ST18: variants seen among roughly 807,000 people sequenced by gnomAD.
The protein encoded by ST18 is ST18 C2H2C-type zinc finger transcription factor.
In ST18, 50 loss-of-function variants were observed where a neutral mutation model predicts 110.0. The observed-to-expected ratio is 0.45, with a 90% confidence interval of 0.36 to 0.58. The LOEUF (loss-of-function observed/expected upper bound fraction) is 0.58. ST18 is among the 20% of genes least tolerant of loss of function. ST18 has a pLI of 0.00. For missense variants in ST18, 1,306 were observed against 1,280.1 expected (o/e 1.02, Z -0.31); for synonymous variants, 461 against 452.4 (o/e 1.02, Z -0.24).
chr8:52,120,941 GACGGAGAAGAGAGGAATCA>G (rs1396656200), intron 23 of ST18, among the ~76,000 whole-genome samples: 3 of 152,082 alleles, frequency 2.0e-5, no homozygotes. Context: ...GAGAGGAATC[GACGGAGAAGAGAGGAATCA>G]ACCCTGACTG....
chr8:52,346,033 C>T (rs1817587262), intron 2 of ST18, among the ~76,000 whole-genome samples: 1 of 151,740 alleles, frequency 6.6e-6, no homozygotes, highest in Admixed American at 6.6e-5. Context: ...GAAAAACTGA[C>T]CCCAGAGGAA....
chr8:52,185,923 C>T (rs950042316), intron 8 of ST18, among the ~76,000 whole-genome samples: 14 of 152,136 alleles, frequency 9.2e-5, no homozygotes, highest in Non-Finnish European at 2.1e-4. Flanking sequence ...TAAAGGAAAA[C>T]ACTGACAAAT....
chr8:52,362,673 T>G (rs1826202886), intron 2 of ST18, among the ~76,000 whole-genome samples: 1 of 152,238 alleles, frequency 6.6e-6, no homozygotes, highest in Admixed American at 6.5e-5. Context: ...GTGCCCTTTC[T>G]GATGCATTGC....
At chr8:52,165,830 C>A (rs1425644917) in intron 11 of ST18, among the ~76,000 whole-genome samples, 2 of 152,194 alleles carry the variant, frequency 1.3e-5, no homozygotes, top group African/African-American at 2.4e-5. Context: ...TTAAGCACTT[C>A]CATTTTTGCA....
intron 13 of ST18, 147 bp downstream of exon 13, chr8:52,163,839 G>C (rs186197621): frequency 2.8e-4 from 158 of 567,828 alleles, no homozygotes; most frequent in Non-Finnish European, 7.8e-5. Flanking sequence ...CCAGCCTCTG[G>C]TCTAGTGGAG....
chr8:52,332,517 G>C (rs1425661939), intron 2 of ST18, among the ~76,000 whole-genome samples: 1 of 137,932 alleles, frequency 7.2e-6, no homozygotes, highest in Admixed American at 7.3e-5. Context: ...TTTCCCAAGA[G>C]CATCTAATGT....
At chr8:52,409,818 A>G (rs947491503), upstream of ST18, 1 of 152,274 alleles carries the variant, frequency 6.6e-6, no homozygotes, top group Admixed American at 6.5e-5. Flanking sequence ...CCGCACAAAG[A>G]AAATGCTGTC....
At chr8:52,138,845 T>TA (rs1289663714) in intron 17 of ST18, among the ~76,000 whole-genome samples, 1 of 152,186 alleles carries the variant, frequency 6.6e-6, no homozygotes, top group Non-Finnish European at 1.5e-5. Flanking sequence ...TATCCAGATA[T>TA]ACAGAATACA....
chr8:52,359,763 A>G (rs1168795305), intron 2 of ST18, among the ~76,000 whole-genome samples: 1 of 152,152 alleles, frequency 6.6e-6, no homozygotes, highest in Non-Finnish European at 1.5e-5. Flanking sequence ...AGCAAAAAAT[A>G]AAGCAGGGTA....
intron 8 of ST18, among the ~76,000 whole-genome samples, chr8:52,182,640 G>A (rs1333955659): frequency 6.6e-6 from 1 of 152,022 alleles, no homozygotes; most frequent in Non-Finnish European, 1.5e-5. Context: ...GATGAGGGAG[G>A]GGGAAATGAG....
chr8:52,365,702 G>T (rs1328326849), intron 2 of ST18, among the ~76,000 whole-genome samples: 6 of 151,212 alleles, frequency 4.0e-5, no homozygotes, highest in Non-Finnish European at 7.4e-5. Flanking sequence ...GGTTTGGGGG[G>T]TGGGGGGTTT....
At chr8:52,148,887 A>G (rs568927118) in intron 16 of ST18, among the ~76,000 whole-genome samples, 1 of 152,372 alleles carries the variant, frequency 6.6e-6, no homozygotes, top group Admixed American at 6.5e-5. Flanking sequence ...GGCGCTGCAC[A>G]CTTCTGCAGA....
intron 23 of ST18, among the ~76,000 whole-genome samples, chr8:52,121,254 G>A (rs2044681500): frequency 6.6e-6 from 1 of 152,150 alleles, no homozygotes; most frequent in Non-Finnish European, 1.5e-5. Context: ...GCTTGTGAGG[G>A]AAGATCATAA....
intron 2 of ST18, among the ~76,000 whole-genome samples, chr8:52,373,508 C>G (rs2140666468): frequency 6.6e-6 from 1 of 152,048 alleles, no homozygotes; most frequent in South Asian, 2.1e-4. Flanking sequence ...TGTTATTCGC[C>G]CTTTCTCAGG....
intron 2 of ST18, among the ~76,000 whole-genome samples, chr8:52,360,124 A>G (rs114645124): frequency 2.9e-3 from 442 of 152,270 alleles, no homozygotes; most frequent in African/African-American, 0.01. Flanking sequence ...TGGAGACACT[A>G]GATAACTTGC....
At chr8:52,167,057 T>G in intron 10 of ST18, 71 bp from the exon 11 acceptor site, 2 of 1,518,026 alleles carry the variant, frequency 1.3e-6, no homozygotes, top group Admixed American at 3.6e-5. Context: ...AGAATGGCCT[T>G]GCAGGGTGAC....
chr8:52,263,388 G>A (rs2094758590), intron 2 of ST18, among the ~76,000 whole-genome samples: 1 of 152,132 alleles, frequency 6.6e-6, no homozygotes, highest in Admixed American at 6.5e-5. Flanking sequence ...GTTATCAAAT[G>A]CAAGTGCTTA....
intron 2 of ST18, among the ~76,000 whole-genome samples, chr8:52,255,846 C>A (rs1027245545): frequency 6.6e-6 from 1 of 152,206 alleles, no homozygotes; most frequent in Non-Finnish European, 1.5e-5. Context: ...AGACGAGGAA[C>A]GTGAGAGAAA....
intron 15 of ST18, among the ~76,000 whole-genome samples, chr8:52,156,266 T>G (rs1251696041): frequency 6.6e-6 from 1 of 152,196 alleles, no homozygotes; most frequent in Non-Finnish European, 1.5e-5. Flanking sequence ...TTTGGTTGGT[T>G]CAGCTATGAG....
Sources: gnomAD v4.1 joint callset for allele counts (sites outside exome capture counted in the v4.1 genomes callset) on GRCh38, gnomAD v4.1.1 for gene constraint, MANE v1.5 for transcripts, NCBI Gene and HGNC (gene_info 2026-07-23, HGNC 2026-07-21) for gene names.